Variants in ADGB observed in about 807,000 individuals in gnomAD.
ADGB encodes the protein calpain-7-like protein.
In ADGB, 172 loss-of-function variants were observed where a neutral mutation model predicts 210.5. The ratio of observed to expected loss-of-function variants is 0.82; its 90% confidence interval spans 0.72 to 0.93. The LOEUF (loss-of-function observed/expected upper bound fraction) is 0.93, where lower values mean the gene tolerates loss of function less well. Ranked by LOEUF, ADGB falls within the 40% of genes least tolerant of loss-of-function variation. ADGB has a pLI of 0.00. For missense variants in ADGB, 2,025 were observed against 1,964.8 expected (o/e 1.03, Z -0.58); for synonymous variants, 658 against 662.7 (o/e 0.99, Z 0.11).
chr6:146,804,903 C>T (rs1408712586), intron 35 of ADGB, among the ~76,000 whole-genome samples: 4 of 152,144 alleles, frequency 2.6e-5, no homozygotes, highest in African/African-American at 7.2e-5. Flanking sequence ...TCAACATTAC[C>T]ATTTTTTACA....
At chr6:146,643,574 A>C (rs1246596663) in intron 2 of ADGB, among the ~76,000 whole-genome samples, 7 of 151,890 alleles carry the variant, frequency 4.6e-5, no homozygotes, top group Non-Finnish European at 1.0e-4. Context: ...GATTGCTAGC[A>C]TCTGAGAGTA....
intron 1 of ADGB, among the ~76,000 whole-genome samples, chr6:146,625,161 A>C (rs962347478): frequency 1.3e-5 from 2 of 152,042 alleles, no homozygotes; most frequent in African/African-American, 4.8e-5. Context: ...TATTAAGAAA[A>C]TCATATTGTG....
At position 146,734,024 on chromosome 6, in the gene ADGB, A is replaced by C. The variant is rs1297307481; in HGVS notation, c.2788A>C (p.Ile930Leu). 6.4e-7 allele frequency: 1 copy of C among 1,551,206 alleles called. No individual in the cohort carries two copies. Among genetic ancestry groups the C allele is most frequent in the Non-Finnish European group, 8.7e-7 (1 of 1,146,844 alleles). Residue 930 changes from isoleucine to leucine, a missense_variant, in exon 22 of 36, where the codon ATA (isoleucine) becomes CTA (leucine). Coordinates refer to ENST00000397944, the MANE Select transcript of ADGB (RefSeq NM_024694.4). ...CGTTAGATTGCTTATGAAAGCCAGA[A>C]TACCAGGTATGATTGTCCAAACATT... ...TYVRLLMKAR[I>L]PDTKENISVA...
At chr6:146,742,179 G>T (rs73786727) in intron 25 of ADGB, among the ~76,000 whole-genome samples, 3,233 of 152,018 alleles carry the variant, frequency 0.021, 105 homozygotes, top group African/African-American at 0.073. Context: ...AAAAATAAGG[G>T]CAATTAAATT....
chr6:146,629,574 T>G (rs541476166), intron 1 of ADGB, among the ~76,000 whole-genome samples: 1 of 152,324 alleles, frequency 6.6e-6, no homozygotes, highest in South Asian at 2.1e-4. Flanking sequence ...AGCCCTTATA[T>G]TTAAGAAATG....
At chr6:146,702,062 G>T (rs1287317884) in intron 13 of ADGB, among the ~76,000 whole-genome samples, 1 of 151,798 alleles carries the variant, frequency 6.6e-6, no homozygotes, top group African/African-American at 2.4e-5. Flanking sequence ...AATGCTGAGT[G>T]TCAAACATGT....
At chr6:146,654,281 C>T (rs577638065) in intron 4 of ADGB, 75 bp downstream of exon 4, 29 of 919,592 alleles carry the variant, frequency 3.2e-5, no homozygotes, top group East Asian at 3.1e-4. Flanking sequence ...CCCAGACAGT[C>T]GATTTCAACT....
rs558119202 is a variant in ADGB, at chr6:146,745,941, C to T, written c.3197C>T (p.Ala1066Val). The T allele has an allele frequency of 1.6e-4, 240 of 1,546,424 alleles. No homozygotes were observed. The highest frequency in any genetic ancestry group is 2.7e-4 in the East Asian group (11 of 40,858). ...TTATAGAAGGGATACACTTTTGTGG[C>T]GGAAGCATTTACAGGCGACACATAT... ...TKNKKGYTFV[A>V]EAFTGDTYVA... is the part of the protein sequence containing the mutation. Residue 1066 changes from alanine to valine, a missense_variant, in exon 26 of 36, where the codon GCG (alanine) becomes GTG (valine). Ala to Val is a moderately conservative substitution (Grantham distance 64, BLOSUM62 0). Coordinates refer to ENST00000397944, the MANE Select transcript of ADGB (RefSeq NM_024694.4).
chr6:146,617,882 C>T (rs903918580), intron 1 of ADGB, among the ~76,000 whole-genome samples: 1 of 151,954 alleles, frequency 6.6e-6, no homozygotes, highest in African/African-American at 2.4e-5. Context: ...CTTAGAGCAC[C>T]AACCCCTGCA....
At chr6:146,695,602 G>A (rs956211949) in intron 12 of ADGB, among the ~76,000 whole-genome samples, 1 of 151,670 alleles carries the variant, frequency 6.6e-6, no homozygotes, top group African/African-American at 2.4e-5. Context: ...AATTTTTTAA[G>A]TTAATTAATA....
intron 26 of ADGB, among the ~76,000 whole-genome samples, chr6:146,749,225 G>A (rs1423709036): frequency 6.6e-6 from 1 of 152,186 alleles, no homozygotes; most frequent in Non-Finnish European, 1.5e-5. Flanking sequence ...GCCATAGGAA[G>A]ACAACTGATT....
rs561749021 is a variant in ADGB at position 146,774,174 on chromosome 6, C to A, written c.3862+5043C>A. ...AAAGACGTCTGTCAGATATATATGA[C>A]CCATATTGTTTTTCCCTGTTAATGG... On this transcript the variant is annotated intron_variant, in intron 29 of 35. Coordinates refer to ENST00000397944, the MANE Select transcript of ADGB (RefSeq NM_024694.4). Among the ~76,000 whole-genome samples, 6 of 152,138 alleles carry A rather than the reference C, an allele frequency of 3.9e-5. No homozygotes were observed. The South Asian group carries it at 1.2e-3, about 32-fold the overall frequency.
At chr6:146,635,599 T>C in intron 2 of ADGB, 62 bp downstream of exon 2, 2 of 1,408,790 alleles carry the variant, frequency 1.4e-6, no homozygotes, top group Non-Finnish European at 1.9e-6. Flanking sequence ...TGGAATGAGA[T>C]TTGTAAACAT....
chr6:146,813,496 G>A (rs1778333576), intron 35 of ADGB, among the ~76,000 whole-genome samples: 1 of 152,052 alleles, frequency 6.6e-6, no homozygotes, highest in African/African-American at 2.4e-5. Flanking sequence ...ATTGGTGTAT[G>A]AAAATGTGGA....
chr6:146,748,614 T>A (rs939482271), intron 26 of ADGB, among the ~76,000 whole-genome samples: 7 of 152,236 alleles, frequency 4.6e-5, no homozygotes, highest in African/African-American at 1.7e-4. Context: ...TTAGAGACAA[T>A]CTCACTTTGT....
At chr6:146,603,936 C>T (rs189382585) in intron 1 of ADGB, among the ~76,000 whole-genome samples, 5 of 152,232 alleles carry the variant, frequency 3.3e-5, no homozygotes, top group Admixed American at 6.5e-5. Flanking sequence ...CTACCTGCAG[C>T]GTTCAGAAAA....
At chr6:146,669,839 G>T (rs1308916425) in intron 7 of ADGB, among the ~76,000 whole-genome samples, 1 of 152,102 alleles carries the variant, frequency 6.6e-6, no homozygotes, top group Non-Finnish European at 1.5e-5. Flanking sequence ...CTATGTGAAT[G>T]TCAAAAGTGT....
chr6:146,717,726 T>A, intron 16 of ADGB, 127 bp downstream of exon 16: 1 of 485,232 alleles, frequency 2.1e-6, no homozygotes, highest in Non-Finnish European at 3.5e-6. Flanking sequence ...AAAATTAATT[T>A]TTAGAGTCTC....
rs1052446 is a variant in ADGB at position 146,815,128 on chromosome 6, G to T, written c.4915G>T (p.Ala1639Ser). 15 of 1,548,012 alleles carry T rather than the reference G, an allele frequency of 9.7e-6. No homozygotes were observed. Among genetic ancestry groups the T allele is most frequent in the Non-Finnish European group, 1.2e-5 (14 of 1,146,134 alleles). ...TGAGCACCTAAAGCTGGAAACTCTG[G>T]CTGCTCAGGAAGCAGCCATGAAGCT... ...EAEHLKLETLAAQEAAMKLET... is the reference protein window; with the variant it reads ...EAEHLKLETLSAQEAAMKLET... Residue 1639 changes from alanine (A) to serine (S), a missense_variant, in exon 36 of 36, where the codon GCT (alanine) becomes TCT (serine). Transcript: ENST00000397944.
Sources: allele counts gnomAD v4.1 joint callset (sites outside exome capture counted in the v4.1 genomes callset), GRCh38; gene constraint gnomAD v4.1.1; transcripts MANE v1.5; gene names NCBI Gene and HGNC (gene_info 2026-07-23, HGNC 2026-07-21).